CDH18: variants seen among roughly 807,000 people sequenced by gnomAD.
CDH18 encodes cadherin-18.
In CDH18, 31 loss-of-function variants were observed where a neutral mutation model predicts 67.9. The observed-to-expected ratio is 0.46, with a 90% confidence interval of 0.34 to 0.62. The LOEUF is 0.62. Among genes scored for constraint, CDH18 ranks in the 20% least tolerant of loss-of-function variants. The pLI is 0.01. For missense variants in CDH18, 890 were observed against 975.5 expected, an observed-to-expected ratio of 0.91 and a Z score of 1.17; for synonymous variants, 362 against 347.2, an observed-to-expected ratio of 1.04 and a Z score of -0.48.
chr5:19,950,402 A>G (rs1457007356), intron 2 of CDH18, among the ~76,000 whole-genome samples: 1 of 152,106 alleles, frequency 6.6e-6, no homozygotes, highest in African/African-American at 2.4e-5. Flanking sequence ...GGGATAAAAA[A>G]TTGTACATCA....
At chr5:20,392,697 C>T (rs1185452105) in intron 1 of CDH18, among the ~76,000 whole-genome samples, 1 of 151,756 alleles carries the variant, frequency 6.6e-6, no homozygotes, top group Non-Finnish European at 1.5e-5. Context: ...CAACTACTAC[C>T]TATATTTCTT....
chr5:19,479,014 T>C (rs771522936), intron 12 of CDH18, among the ~76,000 whole-genome samples: 1 of 152,228 alleles, frequency 6.6e-6, no homozygotes, highest in Non-Finnish European at 1.5e-5. Flanking sequence ...ATTCAACGTA[T>C]ACATAGATGG....
At chr5:20,533,463 C>G (rs1386697616) in intron 1 of CDH18, among the ~76,000 whole-genome samples, 1 of 152,012 alleles carries the variant, frequency 6.6e-6, no homozygotes, top group Non-Finnish European at 1.5e-5. Flanking sequence ...TAGTTTTTGA[C>G]TCAAAAAGTA....
chr5:20,231,890 A>C (rs116074394), intron 2 of CDH18, among the ~76,000 whole-genome samples: 1,693 of 152,190 alleles, frequency 0.011, 31 homozygotes, highest in African/African-American at 0.038. Flanking sequence ...AAAAATTAAA[A>C]TTATAGTAAT....
Position 20,543,093 on chromosome 5 carries a change from T to G in CDH18, c.-580+32369A>C, listed in dbSNP as rs1757144364. On this transcript the variant is annotated intron_variant, in intron 1 of 14. Transcript: ENST00000507958. ...TGTTTTAATAAATGGCTTAACCTCT[T>G]TTGATAATTTAAAATAATTGCAAAA... Among the ~76,000 whole-genome samples, 4 of 152,136 alleles carry G rather than the reference T, an allele frequency of 2.6e-5. No homozygotes were observed. In the South Asian group the frequency reaches 8.3e-4, roughly 32 times the overall value.
chr5:19,909,204 A>G (rs932860225), intron 2 of CDH18, among the ~76,000 whole-genome samples: 4 of 152,070 alleles, frequency 2.6e-5, no homozygotes, highest in African/African-American at 9.7e-5. Context: ...ACTCCACAAT[A>G]TATTTTTAAA....
At chr5:19,780,282 T>C (rs1316369118) in intron 3 of CDH18, among the ~76,000 whole-genome samples, 4 of 152,214 alleles carry the variant, frequency 2.6e-5, no homozygotes, top group South Asian at 4.1e-4. Flanking sequence ...CCTAACTGTA[T>C]AAATCTAATT....
rs1415733827 is a variant in CDH18, at chr5:20,146,631, AT to A, written c.-518+108812del. Among the ~76,000 whole-genome samples the A allele has an allele frequency of 6.8e-5, 10 of 146,652 alleles. No homozygotes were observed. In the South Asian group the frequency reaches 8.8e-4, roughly 13 times the overall value. On this transcript the variant is annotated intron_variant, in intron 2 of 14. Transcript: ENST00000507958. ...AACTAATTTTGTAAAAAAAAAAAAA[AT>A]AAAATAAACAAATAAATGGCTGTGC...
At chr5:20,266,556 G>A (rs1442791734) in intron 1 of CDH18, among the ~76,000 whole-genome samples, 11 of 146,910 alleles carry the variant, frequency 7.5e-5, no homozygotes, top group African/African-American at 2.6e-4. Context: ...GGCACGTGCC[G>A]GCACGCCCGG....
chr5:20,191,685 G>C (rs1039741054), intron 2 of CDH18, among the ~76,000 whole-genome samples: 47 of 151,994 alleles, frequency 3.1e-4, no homozygotes, highest in African/African-American at 1.1e-3. Flanking sequence ...AAAAAAACAT[G>C]ACCTCATTCA....
intron 6 of CDH18, among the ~76,000 whole-genome samples, chr5:19,599,786 C>T (rs1746773089): frequency 6.6e-6 from 1 of 152,046 alleles, no homozygotes; most frequent in South Asian, 2.1e-4. Context: ...ATGCCTGTAG[C>T]TGAGGCAGGA....
At chr5:20,083,303 T>C (rs1744646687) in intron 2 of CDH18, among the ~76,000 whole-genome samples, 1 of 152,232 alleles carries the variant, frequency 6.6e-6, no homozygotes, top group South Asian at 2.1e-4. Flanking sequence ...AAGACTCTTA[T>C]AGGTCATGAA....
At chr5:20,460,975 A>G (rs1225934220) in intron 1 of CDH18, among the ~76,000 whole-genome samples, 1 of 152,170 alleles carries the variant, frequency 6.6e-6, no homozygotes, top group Non-Finnish European at 1.5e-5. Context: ...CATCTCATTT[A>G]AAATGCAAAC....
chr5:20,152,939 ATTTTTTTT>A (rs34475393), intron 2 of CDH18, among the ~76,000 whole-genome samples: 2 of 125,904 alleles, frequency 1.6e-5, no homozygotes, highest in Non-Finnish European at 3.3e-5. Context: ...AGGATGAGGA[ATTTTTTTT>A]TTTTTTTTTT....
At position 19,716,848 on chromosome 5, in the gene CDH18, C is replaced by T. The variant is rs185763983; in HGVS notation, c.643+4499G>A. The stretch of plus-strand genomic sequence containing the variant: ...ATGTATCAATGTAAATGTTTTCAGC[C>T]GCTATATTTTATAAATAAATATTCT... On this transcript the variant is annotated intron_variant, in intron 5 of 12. Transcript: ENST00000382275. Among the ~76,000 whole-genome samples the T allele has an allele frequency of 3.1e-3, 474 of 151,638 alleles. 1 individual carries two copies. The highest frequency in any genetic ancestry group is 5.5e-3 in the Non-Finnish European group (374 of 67,862).
intron 1 of CDH18, chr5:20,255,595 A>G (rs1417506253): frequency 6.6e-6 from 1 of 152,080 alleles, no homozygotes; most frequent in African/African-American, 2.4e-5. Context: ...CATACATTAA[A>G]CAAAGCTGAG....
Position 20,564,260 on chromosome 5 carries a change from T to TTTTACTTATTTATTTA in CDH18, c.-580+11201_-580+11202insTAAATAAATAAGTAAA, listed in dbSNP as rs1554020094. On this transcript the variant is annotated intron_variant, in intron 1 of 14. Transcript: ENST00000507958. ...ATTATTTCTTGCATTATTATCACAG[T>TTTTACTTATTTATTTA]TTTATTTATTTATTTATTTATTTAT... Among the ~76,000 whole-genome samples, 14 of 141,650 alleles carry TTTTACTTATTTATTTA rather than the reference T, an allele frequency of 9.9e-5. No individual in the cohort carries two copies. In the South Asian group the frequency reaches 2.3e-3, roughly 24 times the overall value. The allele number at this position is 141,650 out of a possible 152,430, so 92.9% of individuals were successfully genotyped here.
intron 2 of CDH18, among the ~76,000 whole-genome samples, chr5:19,841,908 T>A (rs1367524974): frequency 6.6e-6 from 1 of 152,214 alleles, no homozygotes; most frequent in Non-Finnish European, 1.5e-5. Context: ...AAAATAGATA[T>A]ATACTGTGCT....
intron 1 of CDH18, among the ~76,000 whole-genome samples, chr5:20,473,855 T>C (rs1752256646): frequency 6.6e-6 from 1 of 152,136 alleles, no homozygotes; most frequent in Non-Finnish European, 1.5e-5. Flanking sequence ...AGAGAAGACA[T>C]TGTCCATGAT....
Sources: allele counts gnomAD v4.1 joint callset (sites outside exome capture counted in the v4.1 genomes callset), GRCh38; gene constraint gnomAD v4.1.1; transcripts MANE v1.5; gene names NCBI Gene and HGNC (gene_info 2026-07-23, HGNC 2026-07-21).